Variants in GRIK4 observed in about 807,000 individuals in gnomAD.
The protein encoded by GRIK4 is glutamate receptor ionotropic, kainate 4.
A neutral mutation model predicts 104.9 loss-of-function variants in GRIK4; 40 were observed. The ratio of observed to expected loss-of-function variants is 0.38; its 90% CI spans 0.30 to 0.50. The LOEUF (loss-of-function observed/expected upper bound fraction) is 0.50, where lower values mean the gene tolerates loss of function less well. Among genes scored for constraint, GRIK4 ranks in the 20% least tolerant of loss-of-function variants. GRIK4 has a pLI of 0.93. For missense variants in GRIK4, 1,047 were observed against 1,308.1 expected, an observed-to-expected ratio of 0.80 and a Z score of 3.08; for synonymous variants, 485 against 524.9, an observed-to-expected ratio of 0.92 and a Z score of 1.04.
intron 1 of GRIK4, among the ~76,000 whole-genome samples, chr11:120,522,988 G>T (rs2136075086): frequency 6.6e-6 from 1 of 152,058 alleles, no homozygotes; most frequent in South Asian, 2.1e-4. Context: ...ACAGACACCT[G>T]CTGAATCTGT....
At chr11:120,814,564 A>G (rs990218103) in intron 4 of GRIK4, among the ~76,000 whole-genome samples, 1 of 152,298 alleles carries the variant, frequency 6.6e-6, no homozygotes, top group South Asian at 2.1e-4. Context: ...ACACCACTGC[A>G]CTCCAACCTG....
intron 3 of GRIK4, among the ~76,000 whole-genome samples, chr11:120,792,241 TGTGTGTGTGTGC>T (rs1194048152): frequency 1.5e-4 from 23 of 151,648 alleles, no homozygotes; most frequent in African/African-American, 5.6e-4. Context: ...GCACCGTGTG[TGTGTGTGTGTGC>T]GTGTGTGTGT....
At chr11:120,751,392 C>G (rs1180714401) in intron 3 of GRIK4, among the ~76,000 whole-genome samples, 1 of 152,208 alleles carries the variant, frequency 6.6e-6, no homozygotes, top group Non-Finnish European at 1.5e-5. Flanking sequence ...TGCATCTCAT[C>G]TGGGAGTCAT....
At position 120,956,740 on chromosome 11, in the gene GRIK4, C is replaced by A; in HGVS notation, c.1701-40C>A. On this transcript the variant is annotated intron_variant, in intron 15 of 20. Coordinates refer to ENST00000527524, the MANE Select transcript of GRIK4 (RefSeq NM_014619.5). The surrounding 1 kb of genome is among the most constrained non-coding windows in gnomAD (Gnocchi z 4.6). ...AGCCTGCCTGTGTCCCTTCACACCC[C>A]GCCTCTGTGGCACTAGTGTATGTTC... The A allele has an allele frequency of 6.9e-7, 1 of 1,439,610 alleles. No individual in the cohort carries two copies. Among genetic ancestry groups the A allele is most frequent in the South Asian group, 1.6e-5 (1 of 61,420 alleles). The allele number at this position is 1,439,610 out of a possible 1,614,324, so 89.2% of individuals were successfully genotyped here.
intron 3 of GRIK4, among the ~76,000 whole-genome samples, chr11:120,707,543 A>G (rs1331209153): frequency 6.6e-6 from 1 of 152,248 alleles, no homozygotes; most frequent in Non-Finnish European, 1.5e-5. Context: ...CCAGGGCCTA[A>G]CCAAACTGTT....
At chr11:120,865,927 G>C (rs1954395709) in intron 9 of GRIK4, among the ~76,000 whole-genome samples, 3 of 152,162 alleles carry the variant, frequency 2.0e-5, no homozygotes, top group African/African-American at 7.2e-5. Context: ...TGGAAGGCAA[G>C]GGGAGGGGGC....
At chr11:120,565,943 C>G (rs1565552231) in intron 1 of GRIK4, among the ~76,000 whole-genome samples, 1 of 152,126 alleles carries the variant, frequency 6.6e-6, no homozygotes, top group Non-Finnish European at 1.5e-5. Context: ...TGGGGTGTGA[C>G]TTTGGTATTA....
At chr11:120,852,794 G>A (rs1954004369) in intron 8 of GRIK4, among the ~76,000 whole-genome samples, 1 of 152,198 alleles carries the variant, frequency 6.6e-6, no homozygotes, top group Non-Finnish European at 1.5e-5. Context: ...GTGCCCAGGA[G>A]ATTTTGGACT....
chr11:120,525,365 C>T (rs1445471083), intron 1 of GRIK4, among the ~76,000 whole-genome samples: 6 of 152,134 alleles, frequency 3.9e-5, no homozygotes, highest in Non-Finnish European at 8.8e-5. Context: ...TTTCATTAGA[C>T]GGACTCACCA....
chr11:120,566,166 CA>C (rs933171292), intron 1 of GRIK4, among the ~76,000 whole-genome samples: 56 of 152,232 alleles, frequency 3.7e-4, no homozygotes, highest in African/African-American at 1.3e-3. Flanking sequence ...AATGAAAAGG[CA>C]AAAAATTCTT....
intron 1 of GRIK4, among the ~76,000 whole-genome samples, chr11:120,560,732 G>A (rs992608906): frequency 6.6e-6 from 1 of 152,194 alleles, no homozygotes; most frequent in Non-Finnish European, 1.5e-5. Flanking sequence ...CTACCTTATT[G>A]GGTTGTGAGG....
intron 1 of GRIK4, among the ~76,000 whole-genome samples, chr11:120,531,639 A>G (rs1160297686): frequency 6.6e-6 from 1 of 151,524 alleles, no homozygotes; most frequent in Non-Finnish European, 1.5e-5. Context: ...GCAGTGGCGC[A>G]GTCTCGGCTC....
chr11:120,608,659 T>C (rs1027972917), intron 1 of GRIK4, among the ~76,000 whole-genome samples: 1 of 152,184 alleles, frequency 6.6e-6, no homozygotes, highest in African/African-American at 2.4e-5. Context: ...GTGTAGGTTG[T>C]GATGAAGCAT....
intron 2 of GRIK4, among the ~76,000 whole-genome samples, chr11:120,659,145 G>A (rs1949770368): frequency 1.3e-5 from 2 of 152,066 alleles, no homozygotes; most frequent in Non-Finnish European, 2.9e-5. Context: ...AGCAGAGCTG[G>A]CTGTCGGCAG....
At chr11:120,824,116 G>A (rs903309436) in intron 6 of GRIK4, among the ~76,000 whole-genome samples, 31 of 152,290 alleles carry the variant, frequency 2.0e-4, no homozygotes, top group African/African-American at 6.7e-4. Flanking sequence ...TAGGCATAAC[G>A]GAGATAATTC....
intron 3 of GRIK4, among the ~76,000 whole-genome samples, chr11:120,707,374 T>C (rs115961031): frequency 0.012 from 1,782 of 152,294 alleles, 34 homozygotes; most frequent in African/African-American, 0.041. Context: ...AGGAAGCACC[T>C]GCCAGTGCGG....
chr11:120,748,315 G>A (rs748173292), intron 3 of GRIK4, among the ~76,000 whole-genome samples: 24 of 152,010 alleles, frequency 1.6e-4, no homozygotes, highest in Non-Finnish European at 3.2e-4. Context: ...AATTTGCTTG[G>A]AATAATTGAT....
rs191798478 is a variant in GRIK4 at position 120,709,870 on chromosome 11, T to C, written c.82+49470T>C. On this transcript the variant is annotated intron_variant, in intron 3 of 20. Transcript: ENST00000527524. ...AATGGCCGGGATGCTCTCAGCCACC[T>C]GTGAGACTCAGAGTGTACTGTTCTG... 6.9e-3 allele frequency among the ~76,000 whole-genome samples: 1,053 copies of C among 152,344 alleles called. 17 individuals carry two copies. Among genetic ancestry groups the C allele is most frequent in the African/African-American group, 0.024 (980 of 41,586 alleles).
At chr11:120,664,257 C>G (rs1169123154) in intron 3 of GRIK4, among the ~76,000 whole-genome samples, 1 of 152,182 alleles carries the variant, frequency 6.6e-6, no homozygotes, top group Non-Finnish European at 1.5e-5. Context: ...ATCTGTCTGT[C>G]TTACTTAAAA....
Sources: gnomAD v4.1 joint callset for allele counts (sites outside exome capture counted in the v4.1 genomes callset) on GRCh38, gnomAD v4.1.1 for gene constraint, Gnocchi (gnomAD v3.1) non-coding constraint, MANE v1.5 for transcripts, NCBI Gene and HGNC (gene_info 2026-07-23, HGNC 2026-07-21) for gene names.